TOX2: variants seen among roughly 807,000 people sequenced by gnomAD.
The protein encoded by TOX2 is granulosa cell HMG box 1.
Under a neutral mutation model 47.4 loss-of-function variants are expected in TOX2, and 15 were observed. The observed-to-expected ratio is 0.32, with a 90% confidence interval of 0.21 to 0.49. The LOEUF is 0.49. Ranked by LOEUF, TOX2 falls within the 20% of genes least tolerant of loss-of-function variation. The pLI, the probability that TOX2 is intolerant of heterozygous loss-of-function variation, is 0.99. For synonymous variants in TOX2, 290 were observed against 296.6 expected, an observed-to-expected ratio of 0.98 and a Z score of 0.23; for missense variants, 622 against 673.1, an observed-to-expected ratio of 0.92 and a Z score of 0.84.
intron 1 of TOX2, among the ~76,000 whole-genome samples, chr20:43,919,993 C>T (rs1306703233): frequency 1.3e-5 from 2 of 152,212 alleles, no homozygotes; most frequent in Admixed American, 6.5e-5. Flanking sequence ...TTGGGCTCCA[C>T]CCCCAGAGAT....
In TOX2 at chr20:44,065,760, G is replaced by A. The variant is rs2071803177; in HGVS notation, c.1009G>A (p.Ala337Thr). 5 of 1,607,384 alleles carry A rather than the reference G, an allele frequency of 3.1e-6. No homozygotes were observed. Among genetic ancestry groups the A allele is most frequent in the Non-Finnish European group, 4.3e-6 (5 of 1,174,942 alleles). Residue 337 changes from alanine to threonine, a missense_variant, in exon 7 of 9, where the codon GCC becomes ACC. This residue lies in a region of TOX2 where 294 missense variants were observed against 300.0 expected (regional missense o/e 0.98). Coordinates refer to ENST00000341197, the MANE Select transcript of TOX2 (RefSeq NM_001098797.2). ...CAAGAGCACTCAGGCAAACCCACCA[G>A]CCAAAATGCTCCCACCCAAGCAGCC... ...ETKSTQANPP[A>T]KMLPPKQPMY...
At chr20:43,994,459 C>CAAA (rs1555837275) in intron 2 of TOX2, among the ~76,000 whole-genome samples, 10 of 128,000 alleles carry the variant, frequency 7.8e-5, no homozygotes, top group Non-Finnish European at 1.3e-4. Flanking sequence ...ACCCTGTCTC[C>CAAA]AAAAAAAAAA....
chr20:44,051,219 T>C, intron 3 of TOX2, 87 bp from the exon 4 acceptor site: 3 of 1,510,430 alleles, frequency 2.0e-6, no homozygotes, highest in Non-Finnish European at 1.8e-6. Flanking sequence ...CTCCTCTGCA[T>C]TCCCTCCTCT....
chr20:44,051,420 C>T lies in TOX2; in HGVS notation c.526C>T (p.Leu176Phe), dbSNP rs751337020. 9.9e-6 allele frequency: 16 copies of T among 1,614,160 alleles called. No homozygotes were observed. Among genetic ancestry groups the T allele is most frequent in the Non-Finnish European group, 1.3e-5 (15 of 1,180,016 alleles). ...SHMSALSQSQ[L>F]ISQMGIRSSI... ...CATGAGTGCCCTCAGCCAGTCCCAG[C>T]TCATCTCGCAGATGGGCATCCGGAG... Residue 176 changes from leucine (L) to phenylalanine (F), a missense_variant, in exon 4 of 9, where the codon CTC (leucine) becomes TTC (phenylalanine). Leu to Phe is a conservative substitution (Grantham distance 22, BLOSUM62 0). Around this residue, in one of 3 missense-constraint regions of TOX2, gnomAD observed 307 missense variants for 327.3 expected, o/e 0.94. Coordinates refer to ENST00000341197, the MANE Select transcript of TOX2 (RefSeq NM_001098797.2).
At chr20:43,924,975 G>A (rs972867286) in intron 1 of TOX2, among the ~76,000 whole-genome samples, 8 of 152,108 alleles carry the variant, frequency 5.3e-5, no homozygotes, top group African/African-American at 1.2e-4. Context: ...TAATACATTC[G>A]TTGTTTTTAT....
chr20:44,024,789 C>T (rs2071033612), intron 3 of TOX2, among the ~76,000 whole-genome samples: 1 of 144,276 alleles, frequency 6.9e-6, no homozygotes, highest in Non-Finnish European at 1.5e-5. Context: ...ATAATATATA[C>T]AATAATATAT....
At chr20:44,014,548 C>T (rs939137701) in intron 3 of TOX2, among the ~76,000 whole-genome samples, 7 of 152,112 alleles carry the variant, frequency 4.6e-5, no homozygotes, top group Non-Finnish European at 8.8e-5. Context: ...TAAGTTCAAA[C>T]CCCAGCTCCC....
rs1275944556 is a variant in TOX2, at chr20:43,973,492, T to G, written c.165+60T>G. 2.6e-6 allele frequency: 4 copies of G among 1,524,044 alleles called. No individual in the cohort carries two copies. The African/African-American group carries it at 4.1e-5, about 16-fold the overall frequency. The allele number at this position is 1,524,044 out of a possible 1,614,324, so 94.4% of individuals were successfully genotyped here. On this transcript the variant is annotated intron_variant, in intron 2 of 8. Coordinates refer to ENST00000341197, the MANE Select transcript of TOX2 (RefSeq NM_001098797.2). ...AGATTTGGGCTGGCTGGATCTGAGC[T>G]GTTCCTGGGTGGAGGTAGGGGGTGC...
At chr20:43,930,846 G>A (rs967482120) in intron 1 of TOX2, among the ~76,000 whole-genome samples, 1 of 152,100 alleles carries the variant, frequency 6.6e-6, no homozygotes, top group African/African-American at 2.4e-5. Context: ...CAGATTCAAG[G>A]GCAGTGTTTG....
chr20:43,966,636 C>T (rs544922895), intron 1 of TOX2, among the ~76,000 whole-genome samples: 9 of 152,080 alleles, frequency 5.9e-5, no homozygotes, highest in Admixed American at 4.6e-4. Context: ...TGCCTGTAAT[C>T]CCAGCTACTC....
intron 5 of TOX2, among the ~76,000 whole-genome samples, chr20:44,055,527 G>A (rs1016653943): frequency 2.0e-5 from 3 of 152,202 alleles, no homozygotes; most frequent in Non-Finnish European, 4.4e-5. Context: ...TGGCAGAGAC[G>A]GAGCTGGAAA....
chr20:43,981,915 G>C (rs1442132115), intron 2 of TOX2, among the ~76,000 whole-genome samples: 1 of 150,468 alleles, frequency 6.6e-6, no homozygotes, highest in Non-Finnish European at 1.5e-5. Flanking sequence ...ATGAGATGAA[G>C]ATTCCATAGA....
intron 1 of TOX2, among the ~76,000 whole-genome samples, chr20:43,942,806 C>A (rs1432163320): frequency 6.6e-6 from 1 of 152,180 alleles, no homozygotes; most frequent in Non-Finnish European, 1.5e-5. Flanking sequence ...CAAAAGGCTG[C>A]AGCTTCTCCA....
At chr20:44,068,534 A>C in intron 8 of TOX2, 116 bp from the exon 9 acceptor site, 25 of 1,140,168 alleles carry the variant, frequency 2.2e-5, no homozygotes, top group Admixed American at 5.0e-5. Context: ...TCATTCAGCC[A>C]CAGAGGGGCA....
intron 1 of TOX2, among the ~76,000 whole-genome samples, chr20:43,949,331 C>A (rs1406690917): frequency 6.6e-6 from 1 of 152,216 alleles, no homozygotes; most frequent in African/African-American, 2.4e-5. Context: ...CCGCAGGAGC[C>A]TCCTCCCAGG....
At chr20:43,935,927 CAAAA>C (rs58300627) in intron 1 of TOX2, among the ~76,000 whole-genome samples, 2,243 of 72,120 alleles carry the variant, frequency 0.031, 70 homozygotes, top group African/African-American at 0.1. Flanking sequence ...AACTCCATCC[CAAAA>C]AAAAAAAAAA....
intron 1 of TOX2, among the ~76,000 whole-genome samples, chr20:43,939,255 C>T (rs1365172944): frequency 6.6e-6 from 1 of 152,224 alleles, no homozygotes; most frequent in Non-Finnish European, 1.5e-5. Flanking sequence ...CTTAACCTCT[C>T]TATGCCTCAG....
rs1278687032 is a variant in TOX2 at position 43,915,654 on chromosome 20, C to G, written c.99+664C>G. Among the ~76,000 whole-genome samples the G allele has an allele frequency of 8.5e-5, 13 of 152,216 alleles. No homozygotes were observed. The highest frequency in any genetic ancestry group is 3.9e-4 in the Admixed American group (6 of 15,284). ...CGGCCACACCTCGGTCATCCACACTCGCGCGTCGAGGTTTAACTTCTCAGC... is the reference window on the plus strand; with the variant it reads ...CGGCCACACCTCGGTCATCCACACTGGCGCGTCGAGGTTTAACTTCTCAGC... On this transcript the variant is annotated intron_variant, in intron 1 of 8. Coordinates refer to ENST00000341197, the MANE Select transcript of TOX2 (RefSeq NM_001098797.2). The surrounding 1 kb of genome is among the most constrained non-coding windows in gnomAD (Gnocchi z 7.1).
chr20:43,915,482 CAAAG>C lies in TOX2; in HGVS notation c.99+495_99+498del, dbSNP rs1485295642. Among the ~76,000 whole-genome samples the C allele has an allele frequency of 1.3e-5, 2 of 152,122 alleles. No homozygotes were observed. Among genetic ancestry groups the C allele is most frequent in the South Asian group, 2.1e-4 (1 of 4,822 alleles). ...CCAGGCACAACGGGGGACAGTCACA[CAAAG>C]AAGTCGCCCGACAGTCACACTCTCG... On this transcript the variant is annotated intron_variant, in intron 1 of 8. Coordinates refer to ENST00000341197, the MANE Select transcript of TOX2 (RefSeq NM_001098797.2). The surrounding 1 kb of genome is among the most constrained non-coding windows in gnomAD (Gnocchi z 7.1).
Sources: allele counts gnomAD v4.1 joint callset (sites outside exome capture counted in the v4.1 genomes callset), GRCh38; gene constraint gnomAD v4.1.1; regional missense constraint gnomAD v4.1.1; non-coding constraint Gnocchi (gnomAD v3.1); transcripts MANE v1.5; gene names NCBI Gene and HGNC (gene_info 2026-07-23, HGNC 2026-07-21).